GRID2: variants seen among roughly 807,000 people sequenced by gnomAD.
The protein encoded by GRID2 is glutamate receptor ionotropic, delta-2.
A neutral mutation model predicts 114.8 loss-of-function variants in GRID2; 33 were observed. The observed-to-expected ratio is 0.29, with a 90% CI of 0.22 to 0.38. The LOEUF (loss-of-function observed/expected upper bound fraction) is 0.38. GRID2 is among the 10% of genes least tolerant of loss of function. The probability of loss-of-function intolerance (pLI) is 1.00; values close to 1 mark genes in which losing one functional copy is unlikely to be tolerated. For missense variants in GRID2, 1,184 were observed against 1,257.7 expected (o/e 0.94, Z 0.89); for synonymous variants, 505 against 449.9 (o/e 1.12, Z -1.55).
At chr4:92,633,572 T>G (rs998816921) in intron 2 of GRID2, among the ~76,000 whole-genome samples, 6 of 152,122 alleles carry the variant, frequency 3.9e-5, no homozygotes, top group Non-Finnish European at 8.8e-5. Flanking sequence ...TCCACTATTC[T>G]TGAGTCAATC....
chr4:93,269,579 A>C (rs1226844672), intron 8 of GRID2, among the ~76,000 whole-genome samples: 1 of 152,200 alleles, frequency 6.6e-6, no homozygotes, highest in Non-Finnish European at 1.5e-5. Context: ...GAGAAGTGTT[A>C]TTTCCTGGAA....
chr4:92,675,589 C>T (rs575952281), intron 2 of GRID2, among the ~76,000 whole-genome samples: 52 of 148,186 alleles, frequency 3.5e-4, no homozygotes, highest in African/African-American at 1.1e-3. Context: ...CCTGCTCTGT[C>T]ACCCAGGCTG....
chr4:92,556,402 A>G (rs1726851387), intron 1 of GRID2, among the ~76,000 whole-genome samples: 1 of 152,152 alleles, frequency 6.6e-6, no homozygotes, highest in African/African-American at 2.4e-5. Flanking sequence ...ATCCTAGTTA[A>G]TTCAAATTTT....
At chr4:93,631,409 C>T (rs539927675) in intron 14 of GRID2, among the ~76,000 whole-genome samples, 2 of 152,274 alleles carry the variant, frequency 1.3e-5, no homozygotes, top group Admixed American at 6.5e-5. Context: ...TGCTCCCCTT[C>T]CCGTGTCCAA....
intron 7 of GRID2, among the ~76,000 whole-genome samples, chr4:93,236,003 A>C (rs1457607907): frequency 6.6e-6 from 1 of 152,108 alleles, no homozygotes; most frequent in Non-Finnish European, 1.5e-5. Flanking sequence ...CATAAATTTA[A>C]GATTCTGATA....
intron 2 of GRID2, among the ~76,000 whole-genome samples, chr4:92,845,572 T>C (rs550345034): frequency 6.6e-6 from 1 of 152,234 alleles, no homozygotes; most frequent in African/African-American, 2.4e-5. Context: ...TATACCATCC[T>C]GCTCTCTGCC....
At chr4:92,328,140 C>T (rs984534842) in intron 1 of GRID2, among the ~76,000 whole-genome samples, 1 of 151,946 alleles carries the variant, frequency 6.6e-6, no homozygotes. Context: ...TACACACATT[C>T]AAGAGGGAGA....
chr4:92,725,265 C>G (rs1736015478), intron 2 of GRID2, among the ~76,000 whole-genome samples: 1 of 152,100 alleles, frequency 6.6e-6, no homozygotes. Flanking sequence ...GATTGCGCCA[C>G]TATACTCCAG....
downstream of GRID2, among the ~76,000 whole-genome samples, chr4:93,777,069 C>A (rs1734384436): frequency 6.6e-6 from 1 of 152,144 alleles, no homozygotes; most frequent in South Asian, 2.1e-4. Flanking sequence ...GCAGTGTGGC[C>A]CATAAACCCA....
intron 3 of GRID2, among the ~76,000 whole-genome samples, chr4:93,098,220 T>A (rs971227880): frequency 2.6e-5 from 4 of 151,986 alleles, no homozygotes; most frequent in Non-Finnish European, 4.4e-5. Context: ...TGTTTTACCT[T>A]CATTGTGTTA....
At chr4:93,542,965 G>A (rs1732802383) in intron 13 of GRID2, among the ~76,000 whole-genome samples, 1 of 152,048 alleles carries the variant, frequency 6.6e-6, no homozygotes, top group Non-Finnish European at 1.5e-5. Context: ...CATCACTGAG[G>A]TTACAAGCCA....
intron 2 of GRID2, among the ~76,000 whole-genome samples, chr4:92,911,060 G>A (rs931557074): frequency 2.6e-5 from 4 of 151,970 alleles, no homozygotes; most frequent in African/African-American, 9.7e-5. Flanking sequence ...GACAAATAAT[G>A]AGACTATTTT....
intron 8 of GRID2, among the ~76,000 whole-genome samples, chr4:93,255,284 TA>T (rs1489920838): frequency 6.6e-6 from 1 of 152,142 alleles, no homozygotes; most frequent in Non-Finnish European, 1.5e-5. Flanking sequence ...ATATAGTGCC[TA>T]AGTTTTGTGG....
chr4:93,368,398 T>A (rs571055393), intron 8 of GRID2, among the ~76,000 whole-genome samples: 10 of 89,054 alleles, frequency 1.1e-4, no homozygotes, highest in African/African-American at 6.8e-4. Flanking sequence ...AGACTCTAAA[T>A]AACTAAAGTT....
chr4:92,922,444 G>T (rs1749442146), intron 2 of GRID2, among the ~76,000 whole-genome samples: 1 of 152,072 alleles, frequency 6.6e-6, no homozygotes. Context: ...CGCTCATGCT[G>T]GGAGCTGTAG....
At chr4:93,608,530 A>G (rs373032016) in intron 13 of GRID2, among the ~76,000 whole-genome samples, 1 of 145,672 alleles carries the variant, frequency 6.9e-6, no homozygotes, top group Admixed American at 6.8e-5. Context: ...TCTCATTGTT[A>G]AATTCCCACC....
At chr4:93,349,361 A>G (rs1186560617) in intron 8 of GRID2, among the ~76,000 whole-genome samples, 1 of 152,028 alleles carries the variant, frequency 6.6e-6, no homozygotes, top group Non-Finnish European at 1.5e-5. Context: ...ACAACTGCAT[A>G]CTTTTTTTTC....
intron 1 of GRID2, among the ~76,000 whole-genome samples, chr4:92,348,893 C>T (rs1049493876): frequency 1.3e-5 from 2 of 152,026 alleles, no homozygotes; most frequent in African/African-American, 4.8e-5. Flanking sequence ...TTGAAGATAA[C>T]TAATTACAAT....
intron 2 of GRID2, among the ~76,000 whole-genome samples, chr4:92,837,142 G>A (rs202206781): frequency 1.3e-5 from 2 of 152,130 alleles, no homozygotes; most frequent in East Asian, 3.9e-4. Context: ...TTCTATAGCA[G>A]GGAAGAAATG....
Sources: allele counts gnomAD v4.1 joint callset (sites outside exome capture counted in the v4.1 genomes callset), GRCh38; gene constraint gnomAD v4.1.1; transcripts MANE v1.5; gene names NCBI Gene and HGNC (gene_info 2026-07-23, HGNC 2026-07-21).